EBF2: variants seen among roughly 807,000 people sequenced by gnomAD.
EBF2 encodes the protein EBF transcription factor 2.
Under a neutral mutation model 72.8 loss-of-function variants are expected in EBF2, and 21 were observed. The observed-to-expected ratio is 0.29, with a 90% confidence interval of 0.20 to 0.42. EBF2 has a LOEUF of 0.42. Among genes scored for constraint, EBF2 ranks in the 10% least tolerant of loss-of-function variants. EBF2 has a pLI of 1.00. For synonymous variants in EBF2, 299 were observed against 274.2 expected, an observed-to-expected ratio of 1.09 and a Z score of -0.89; for missense variants, 637 against 731.2, an observed-to-expected ratio of 0.87 and a Z score of 1.49.
At chr8:26,010,385 C>A (rs1273722433) in intron 6 of EBF2, among the ~76,000 whole-genome samples, 1 of 152,190 alleles carries the variant, frequency 6.6e-6, no homozygotes, top group Non-Finnish European at 1.5e-5. Context: ...CAGCTTGGAA[C>A]GGCACAACAC....
chr8:25,856,816 C>T (rs1166008316), intron 14 of EBF2, among the ~76,000 whole-genome samples: 1 of 152,150 alleles, frequency 6.6e-6, no homozygotes, highest in African/African-American at 2.4e-5. Flanking sequence ...GACATAAAAT[C>T]TTATAACAAA....
intron 11 of EBF2, among the ~76,000 whole-genome samples, chr8:25,862,378 A>AAAT (rs1473653252): frequency 1.3e-5 from 2 of 152,190 alleles, no homozygotes; most frequent in Non-Finnish European, 2.9e-5. Context: ...AATTATGGTT[A>AAAT]AATAGAAACA....
chr8:25,965,063 C>A (rs1804092947), intron 6 of EBF2, among the ~76,000 whole-genome samples: 1 of 152,150 alleles, frequency 6.6e-6, no homozygotes, highest in Non-Finnish European at 1.5e-5. Context: ...TCTTCTCCCA[C>A]CACCCATTAT....
intron 6 of EBF2, among the ~76,000 whole-genome samples, chr8:25,929,431 A>C (rs1373928843): frequency 6.6e-6 from 1 of 152,194 alleles, no homozygotes; most frequent in East Asian, 1.9e-4. Flanking sequence ...ACTTAGTACG[A>C]TGCTTATTGA....
chr8:25,902,844 G>C (rs11994243), intron 7 of EBF2, among the ~76,000 whole-genome samples: 2 of 152,070 alleles, frequency 1.3e-5, no homozygotes, highest in Non-Finnish European at 2.9e-5. Context: ...AGGGGTGAAG[G>C]GTTCCCAGGC....
chr8:25,887,016 T>C (rs958180206), intron 9 of EBF2, 135 bp from the exon 10 acceptor site: 41 of 800,848 alleles, frequency 5.1e-5, no homozygotes, highest in Non-Finnish European at 7.2e-5. Context: ...GGAGTACTCC[T>C]AGCTCCAAAT....
intron 6 of EBF2, among the ~76,000 whole-genome samples, chr8:25,996,489 T>A (rs1302693384): frequency 1.3e-5 from 2 of 151,526 alleles, no homozygotes; most frequent in Non-Finnish European, 2.9e-5. Context: ...ATTGAGTACT[T>A]ACAAAAAATG....
chr8:25,874,800 C>A (rs1322052377), intron 10 of EBF2, among the ~76,000 whole-genome samples: 1 of 151,492 alleles, frequency 6.6e-6, no homozygotes, highest in Non-Finnish European at 1.5e-5. Context: ...TTTCTCCCAC[C>A]TTGGGCTCCC....
chr8:25,973,790 C>G (rs906130591), intron 6 of EBF2, among the ~76,000 whole-genome samples: 4 of 152,146 alleles, frequency 2.6e-5, no homozygotes, highest in African/African-American at 9.7e-5. Flanking sequence ...ATCTTCCCAC[C>G]TCAGCCTCCC....
chr8:26,040,167 C>T, intron 4 of EBF2, 66 bp from the exon 5 acceptor site: 2 of 1,526,678 alleles, frequency 1.3e-6, no homozygotes, highest in Non-Finnish European at 1.8e-6. Context: ...AAAGAAGGGA[C>T]TTCAGAACAA....
At chr8:25,897,186 A>G (rs1401677253) in intron 7 of EBF2, among the ~76,000 whole-genome samples, 1 of 151,992 alleles carries the variant, frequency 6.6e-6, no homozygotes, top group Non-Finnish European at 1.5e-5. Context: ...CATCAATGGC[A>G]TTACTCCTGA....
At chr8:25,983,018 C>A (rs1004765333) in intron 6 of EBF2, among the ~76,000 whole-genome samples, 5 of 151,982 alleles carry the variant, frequency 3.3e-5, no homozygotes, top group Admixed American at 6.6e-5. Flanking sequence ...TCAAAGCGGT[C>A]CAATGACTTT....
At chr8:26,028,578 C>T (rs1182592354) in intron 6 of EBF2, among the ~76,000 whole-genome samples, 1 of 152,228 alleles carries the variant, frequency 6.6e-6, no homozygotes, top group Non-Finnish European at 1.5e-5. Flanking sequence ...GTCCTCTTCT[C>T]ACAGATCACC....
intron 1 of EBF2, among the ~76,000 whole-genome samples, chr8:26,042,761 C>G (rs1472213546): frequency 6.6e-6 from 1 of 152,202 alleles, no homozygotes; most frequent in Non-Finnish European, 1.5e-5. Flanking sequence ...CCTGGACCCA[C>G]TGCTCACAAC....
chr8:25,946,977 T>A (rs1803779951), intron 6 of EBF2, among the ~76,000 whole-genome samples: 1 of 152,196 alleles, frequency 6.6e-6, no homozygotes, highest in African/African-American at 2.4e-5. Context: ...ATATCCCTAA[T>A]ACAATAATAC....
intron 6 of EBF2, among the ~76,000 whole-genome samples, chr8:26,010,213 T>A (rs763942469): frequency 3.2e-4 from 48 of 152,208 alleles, no homozygotes; most frequent in Non-Finnish European, 6.5e-4. Flanking sequence ...CCCCTTCTCA[T>A]AATATAACTT....
At chr8:25,933,358 A>G (rs1803515433) in intron 6 of EBF2, among the ~76,000 whole-genome samples, 1 of 152,202 alleles carries the variant, frequency 6.6e-6, no homozygotes, top group African/African-American at 2.4e-5. Flanking sequence ...TATTAATTAG[A>G]CATGCTGCCA....
intron 6 of EBF2, among the ~76,000 whole-genome samples, chr8:26,006,323 T>A (rs1804881512): frequency 6.6e-6 from 1 of 152,206 alleles, no homozygotes. Flanking sequence ...TCAACATGTG[T>A]TCTATTTTTT....
intron 14 of EBF2, among the ~76,000 whole-genome samples, chr8:25,857,016 T>C (rs1802108032): frequency 6.6e-6 from 1 of 152,204 alleles, no homozygotes; most frequent in African/African-American, 2.4e-5. Context: ...ACTGCAATAA[T>C]TCCCCCAAAC....
Sources: allele counts gnomAD v4.1 joint callset (sites outside exome capture counted in the v4.1 genomes callset), GRCh38; gene constraint gnomAD v4.1.1; transcripts MANE v1.5; gene names NCBI Gene and HGNC (gene_info 2026-07-23, HGNC 2026-07-21).